Variants in EMILIN3 observed in about 807,000 individuals in gnomAD.
The protein encoded by EMILIN3 is elastin microfibril interfacer 3.
EMILIN3 carries 38 observed loss-of-function variants against 42.8 expected under a neutral mutation model. The observed-to-expected ratio is 0.89, with a 90% CI of 0.69 to 1.16. The LOEUF is 1.16. Among genes scored for constraint, EMILIN3 ranks in the 50% most tolerant of loss-of-function variants. The pLI is 0.00. For missense variants in EMILIN3, 924 were observed against 999.5 expected (o/e 0.92, Z 1.02); for synonymous variants, 430 against 440.5 (o/e 0.98, Z 0.30).
At chr20:41,365,585 G>A (rs1014194028) in intron 1 of EMILIN3, among the ~76,000 whole-genome samples, 14 of 152,188 alleles carry the variant, frequency 9.2e-5, no homozygotes, top group Non-Finnish European at 1.9e-4. Flanking sequence ...TGGCTCCCGG[G>A]GAAATCCACC....
At chr20:41,364,035 G>A (rs889001202) in intron 2 of EMILIN3, among the ~76,000 whole-genome samples, 174 bp from the exon 3 acceptor site, 1 of 152,140 alleles carries the variant, frequency 6.6e-6, no homozygotes, top group African/African-American at 2.4e-5. Flanking sequence ...GGTGGGTAAG[G>A]GCAGGCCTTC....
At chr20:41,363,125 C>G in intron 3 of EMILIN3, 71 bp from the exon 4 acceptor site, 1 of 1,321,416 alleles carries the variant, frequency 7.6e-7, no homozygotes, top group Non-Finnish European at 1.0e-6. Context: ...TGCCAGGCCA[C>G]CCAAGAGACT....
intron 1 of EMILIN3, among the ~76,000 whole-genome samples, chr20:41,365,817 A>G (rs1245084727): frequency 6.6e-6 from 1 of 152,226 alleles, no homozygotes; most frequent in Non-Finnish European, 1.5e-5. Context: ...TTCGCAAGCC[A>G]CTGCCCACGA....
chr20:41,362,805 A>G lies in EMILIN3; in HGVS notation c.764T>C (p.Val255Ala), dbSNP rs952336077. The G allele has an allele frequency of 3.7e-6, 6 of 1,613,928 alleles. No homozygotes were observed. Among genetic ancestry groups the G allele is most frequent in the Non-Finnish European group, 5.1e-6 (6 of 1,180,008 alleles). Residue 255 changes from valine to alanine, a missense_variant, in exon 4 of 4, where the codon GTG becomes GCG. Val to Ala is a moderately conservative substitution (Grantham distance 64). Transcript: ENST00000332312. Reference protein sequence around the residue: ...TPPLDEILSKVTEVSNTLQTK... With the variant: ...TPPLDEILSKATEVSNTLQTK... ...CTGAAGAGTGTTGCTCACCTCTGTC[A>G]CCTTGCTTAGGATCTCGTCTAAGGG...
In EMILIN3 at chr20:41,362,188, A is replaced by AC. The variant is rs759858342; in HGVS notation, c.1380dup (p.Trp461ValfsTer31). 19 of 866,006 alleles carry AC rather than the reference A, an allele frequency of 2.2e-5. No individual in the cohort carries two copies. The highest frequency in any genetic ancestry group is 4.6e-5 in the East Asian group (1 of 21,690). 53.6% of individuals were successfully genotyped at this position (866,006 alleles called of 1,614,324 possible). Reference sequence around the variant, plus strand: ...ATGGTCCCAAAGCCGCCCACTCCCCACCCCCCCATGTCCAACCTCAGACAG... The same window carrying AC: ...ATGGTCCCAAAGCCGCCCACTCCCCACCCCCCCCATGTCCAACCTCAGACAG... On this transcript the variant is annotated frameshift_variant, in exon 4 of 4. Transcript: ENST00000332312. LOFTEE classifies it high-confidence loss of function.
intron 3 of EMILIN3, 39 bp from the exon 4 acceptor site, chr20:41,363,093 T>G: frequency 6.9e-7 from 1 of 1,457,926 alleles, no homozygotes; most frequent in East Asian, 2.4e-5. Context: ...ATCACTGGCC[T>G]CACCCTCTCA....
In EMILIN3 at chr20:41,362,202, A is replaced by G; in HGVS notation, c.1367T>C (p.Leu456Ser). Reference protein sequence around the residue: ...EGGARGCCLRLDMGGWGVGGF... With the variant: ...EGGARGCCLRSDMGGWGVGGF... ...GCCCACTCCCCACCCCCCCATGTCC[A>G]ACCTCAGACAGCATCCCCTTGCTCC... Residue 456 changes from leucine to serine, a missense_variant, in exon 4 of 4, where the codon TTG becomes TCG. Transcript: ENST00000332312. 6.9e-7 allele frequency: 1 copy of G among 1,455,446 alleles called. No homozygotes were observed. Among genetic ancestry groups the G allele is most frequent in the Non-Finnish European group, 9.3e-7 (1 of 1,077,462 alleles). The allele number at this position is 1,455,446 out of a possible 1,614,324, so 90.2% of individuals were successfully genotyped here.
chr20:41,365,269 C>T, intron 1 of EMILIN3, 112 bp from the exon 2 acceptor site: 2 of 1,435,250 alleles, frequency 1.4e-6, no homozygotes, highest in Non-Finnish European at 1.9e-6. Context: ...TCCCATGTCT[C>T]TTCTGTCTGT....
At position 41,363,782 on chromosome 20, in the gene EMILIN3, A is replaced by G; in HGVS notation, c.370T>C (p.Phe124Leu). 5 of 1,614,140 alleles carry G rather than the reference A, an allele frequency of 3.1e-6. No homozygotes were observed. Among genetic ancestry groups the G allele is most frequent in the Non-Finnish European group, 4.2e-6 (5 of 1,180,008 alleles). Residue 124 changes from phenylalanine (F) to leucine (L), a missense_variant, in exon 3 of 4, where the codon TTC (phenylalanine) becomes CTC (leucine). By Grantham distance (22) the Phe-to-Leu change is conservative. Coordinates refer to ENST00000332312, the MANE Select transcript of EMILIN3 (RefSeq NM_052846.2). ...TGCTCAGGGCAGCGTTTCCCAGTGA[A>G]GCCGGGACAGCAACGCCAGGCGAGG... ...TDLAWRCCPG[F>L]TGKRCPEHLT...
rs2046359237 is a variant in EMILIN3, at chr20:41,361,553, C to G, written c.2016G>C (p.Leu672=). 5.0e-6 allele frequency: 8 copies of G among 1,611,410 alleles called. No individual in the cohort carries two copies. The highest frequency in any genetic ancestry group is 6.8e-6 in the Non-Finnish European group (8 of 1,179,736). Residue 672 remains leucine (L), a synonymous_variant, in exon 4 of 4, where the codon CTG becomes CTC. Coordinates refer to ENST00000332312, the MANE Select transcript of EMILIN3 (RefSeq NM_052846.2). ...TCTGGGCTGTGTCCTGGCAGCGGCT[C>G]AGCCCACTGGCCACCTTGGCCACAC... ...KAGVAKVASG[L]SRCQDTAQKL... is the part of the protein sequence containing the mutation.
chr20:41,366,056 TC>T lies in EMILIN3; in HGVS notation c.167+411del, dbSNP rs1477788981. 6.6e-6 allele frequency among the ~76,000 whole-genome samples: 1 copy of T among 151,962 alleles called. No homozygotes were observed. The highest frequency in any genetic ancestry group is 1.5e-5 in the Non-Finnish European group (1 of 67,964). ...GGCCGCCCGGATGCGCAGCTCTATC[TC>T]CTACCTGGCCGGGCCAGGGGAGAGA... is the stretch of plus-strand genomic sequence containing the variant. On this transcript the variant is annotated intron_variant, in intron 1 of 3. Transcript: ENST00000332312. The surrounding 1 kb of genome is among the most constrained non-coding windows in gnomAD (Gnocchi z 4.2).
intron 1 of EMILIN3, 51 bp from the exon 2 acceptor site, chr20:41,365,208 G>T (rs1281700500): frequency 6.2e-7 from 1 of 1,603,852 alleles, no homozygotes; most frequent in East Asian, 2.2e-5. Context: ...GAGGCCCACA[G>T]AGGCGCCTAC....
At chr20:41,364,192 G>C (rs1164495927) in intron 2 of EMILIN3, among the ~76,000 whole-genome samples, 2 of 152,120 alleles carry the variant, frequency 1.3e-5, no homozygotes, top group African/African-American at 4.8e-5. Flanking sequence ...ATTCCACTCA[G>C]GCTGCAGTAG....
rs550931705 is a variant in EMILIN3, at chr20:41,360,753, C to T, written c.*515G>A. ...AGTCCTGATGGCTGCGAAGAGAAGC[C>T]GAGGGGACAAGGAACAGAAGCCACC... On this transcript the variant is annotated 3_prime_UTR_variant, in exon 4 of 4. Coordinates refer to ENST00000332312, the MANE Select transcript of EMILIN3 (RefSeq NM_052846.2). 1.1e-3 allele frequency: 180 copies of T among 158,364 alleles called. No individual in the cohort carries two copies. Among genetic ancestry groups the T allele is most frequent in the Non-Finnish European group, 1.6e-3 (113 of 72,292 alleles). 9.8% of individuals were successfully genotyped at this position (158,364 alleles called of 1,614,324 possible).
Position 41,361,419 on chromosome 20 carries a change from G to A in EMILIN3, c.2150C>T (p.Pro717Leu). 3 of 1,610,910 alleles carry A rather than the reference G, an allele frequency of 1.9e-6. No individual in the cohort carries two copies. Among genetic ancestry groups the A allele is most frequent in the East Asian group, 2.2e-5 (1 of 44,760 alleles). Residue 717 changes from proline to leucine, a missense_variant, in exon 4 of 4, where the codon CCA becomes CTA. Pro to Leu is a moderately conservative substitution (Grantham distance 98). Coordinates refer to ENST00000332312, the MANE Select transcript of EMILIN3 (RefSeq NM_052846.2). ...AAGLDSLPTE[P>L]LRPREGLWSH... ...CCACAGGCCCTCTCTGGGCCTCAGTGGCTCAGTGGGCAAGCTGTCCAGGCC... is the reference window on the plus strand; with the variant it reads ...CCACAGGCCCTCTCTGGGCCTCAGTAGCTCAGTGGGCAAGCTGTCCAGGCC...
Position 41,361,678 on chromosome 20 carries a change from G to C in EMILIN3, c.1891C>G (p.Gln631Glu). The C allele has an allele frequency of 6.2e-7, 1 of 1,607,138 alleles. No individual in the cohort carries two copies. The highest frequency in any genetic ancestry group is 2.2e-5 in the East Asian group (1 of 44,728). Residue 631 changes from glutamine (Q) to glutamate (E), a missense_variant, in exon 4 of 4, where the codon CAG becomes GAG. Coordinates refer to ENST00000332312, the MANE Select transcript of EMILIN3 (RefSeq NM_052846.2). Reference protein sequence around the residue: ...ERERKVEAEVQAIQEQVSSQG... With the variant: ...ERERKVEAEVEAIQEQVSSQG... ...CTGCTGACCTGCTCCTGGATGGCCT[G>C]GACTTCGGCTTCCACCTTGCGTTCC...
Position 41,362,449 on chromosome 20 carries a change from G to T in EMILIN3, c.1120C>A (p.Gln374Lys), listed in dbSNP as rs764973642. 4 of 1,600,072 alleles carry T rather than the reference G, an allele frequency of 2.5e-6. No individual in the cohort carries two copies. Among genetic ancestry groups the T allele is most frequent in the Non-Finnish European group, 1.7e-6 (2 of 1,179,756 alleles). Residue 374 changes from glutamine to lysine, a missense_variant, in exon 4 of 4, where the codon CAG becomes AAG. Transcript: ENST00000332312. The part of the protein sequence containing the change: ...QELSQLGSQL[Q>K]GLSVSGRGSC... ...CCCCTGCCAGACACGCTCAGGCCCTGCAGCTGGCTGCCCAGCTGTGACAGC... is the reference window on the plus strand; with the variant it reads ...CCCCTGCCAGACACGCTCAGGCCCTTCAGCTGGCTGCCCAGCTGTGACAGC...
At position 41,362,422 on chromosome 20, in the gene EMILIN3, TGCCCC is replaced by T. The variant is rs763500275; in HGVS notation, c.1142_1146del (p.Arg381LysfsTer17). On this transcript the variant is annotated frameshift_variant, in exon 4 of 4. Coordinates refer to ENST00000332312, the MANE Select transcript of EMILIN3 (RefSeq NM_052846.2). LOFTEE classifies it high-confidence loss of function. ...ATCAAGGCTAGTTGCCCACAGCAGC[TGCCCC>T]TGCCAGACACGCTCAGGCCCTGCAG... 6.2e-7 allele frequency: 1 copy of T among 1,601,338 alleles called. No individual in the cohort carries two copies. The highest frequency in any genetic ancestry group is 8.5e-7 in the Non-Finnish European group (1 of 1,179,918).
rs2046355043 is a variant in EMILIN3, at chr20:41,361,174, G to A, written c.*94C>T. On this transcript the variant is annotated 3_prime_UTR_variant, in exon 4 of 4. Coordinates refer to ENST00000332312, the MANE Select transcript of EMILIN3 (RefSeq NM_052846.2). Reference sequence around the variant, plus strand: ...TCCTTAGTGCCATTTGGGCTAGCCAGGGAAGGCTGGAAGGCGCTGCTGGAT... The same window carrying A: ...TCCTTAGTGCCATTTGGGCTAGCCAAGGAAGGCTGGAAGGCGCTGCTGGAT... The A allele has an allele frequency of 7.8e-7, 1 of 1,285,612 alleles. No individual in the cohort carries two copies. Among genetic ancestry groups the A allele is most frequent in the African/African-American group, 1.5e-5 (1 of 66,916 alleles). The allele number at this position is 1,285,612 out of a possible 1,614,324, so 79.6% of individuals were successfully genotyped here.
Sources: gnomAD v4.1 joint callset for allele counts (sites outside exome capture counted in the v4.1 genomes callset) on GRCh38, gnomAD v4.1.1 for gene constraint, Gnocchi (gnomAD v3.1) non-coding constraint, MANE v1.5 for transcripts, NCBI Gene and HGNC (gene_info 2026-07-23, HGNC 2026-07-21) for gene names.